Variants in SEMA6D observed in about 807,000 individuals in gnomAD.
SEMA6D encodes the protein semaphorin-6D.
A neutral mutation model predicts 106.6 loss-of-function variants in SEMA6D; 35 were observed. The observed-to-expected ratio is 0.33, with a 90% CI of 0.25 to 0.44. The LOEUF is 0.44. Among genes scored for constraint, SEMA6D ranks in the 20% least tolerant of loss-of-function variants. The pLI, the probability that SEMA6D is intolerant of heterozygous loss-of-function variation, is 1.00. For synonymous variants in SEMA6D, 499 were observed against 487.7 expected, an observed-to-expected ratio of 1.02 and a Z score of -0.31; for missense variants, 1,185 against 1,345.9, an observed-to-expected ratio of 0.88 and a Z score of 1.87.
Position 47,770,974 on chromosome 15 carries a change from A to G in SEMA6D, c.2411A>G (p.Glu804Gly). The G allele has an allele frequency of 6.2e-7, 1 of 1,614,096 alleles. No homozygotes were observed. Among genetic ancestry groups the G allele is most frequent in the Non-Finnish European group, 8.5e-7 (1 of 1,179,990 alleles). Residue 804 changes from glutamate to glycine, a missense_variant, in exon 19 of 19, where the codon GAA (glutamate) becomes GGA (glycine). Physicochemically the swap from Glu to Gly is moderately conservative, Grantham distance 98. This residue lies in a region of SEMA6D where 750 missense variants were observed against 783.5 expected (regional missense o/e 0.96). Transcript: ENST00000536845. ...CATGGCCATGGAGCTTCAAGGAAAGAAACCCCTCAGTTTTTTCCGTCTAGT... is the reference window on the plus strand; with the variant it reads ...CATGGCCATGGAGCTTCAAGGAAAGGAACCCCTCAGTTTTTTCCGTCTAGT... ...KAHGHGASRK[E>G]TPQFFPSSPP...
At chr15:47,359,215 A>G (rs934940227) in intron 1 of SEMA6D, among the ~76,000 whole-genome samples, 12 of 152,204 alleles carry the variant, frequency 7.9e-5, no homozygotes, top group Non-Finnish European at 1.6e-4. Flanking sequence ...GTATATGTAC[A>G]TGTGTACATA....
chr15:47,562,234 A>C (rs1232744913), intron 3 of SEMA6D, among the ~76,000 whole-genome samples: 1 of 152,010 alleles, frequency 6.6e-6, no homozygotes, highest in Non-Finnish European at 1.5e-5. Context: ...GATCAATTAG[A>C]TATCCACTTG....
At chr15:47,552,899 T>C (rs1489271500) in intron 3 of SEMA6D, among the ~76,000 whole-genome samples, 3 of 107,008 alleles carry the variant, frequency 2.8e-5, no homozygotes, top group African/African-American at 1.1e-4. Context: ...TAAATATATA[T>C]ATATATAAAT....
At chr15:47,633,919 T>C (rs1032949853) in intron 4 of SEMA6D, among the ~76,000 whole-genome samples, 1 of 152,186 alleles carries the variant, frequency 6.6e-6, no homozygotes, top group Non-Finnish European at 1.5e-5. Flanking sequence ...ACTGAGCCAA[T>C]CCAGGAAGTT....
intron 4 of SEMA6D, among the ~76,000 whole-genome samples, chr15:47,612,473 G>A (rs1403201743): frequency 6.6e-6 from 1 of 152,208 alleles, no homozygotes; most frequent in Non-Finnish European, 1.5e-5. Flanking sequence ...TGAGGTGTAA[G>A]AAGCTCTTAT....
chr15:47,406,735 C>T (rs1433065979), intron 1 of SEMA6D, among the ~76,000 whole-genome samples: 1 of 150,188 alleles, frequency 6.7e-6, no homozygotes, highest in African/African-American at 2.5e-5. Context: ...GTGTTGTATA[C>T]CCGAAGTTTC....
At chr15:47,594,024 G>A (rs867620519) in intron 3 of SEMA6D, among the ~76,000 whole-genome samples, 2 of 152,144 alleles carry the variant, frequency 1.3e-5, no homozygotes, top group Non-Finnish European at 2.9e-5. Context: ...GATCCAAACC[G>A]TATCAAATGT....
At chr15:47,267,874 T>A (rs754828834) in intron 1 of SEMA6D, among the ~76,000 whole-genome samples, 1 of 152,054 alleles carries the variant, frequency 6.6e-6, no homozygotes, top group Non-Finnish European at 1.5e-5. Context: ...TTACGTTACT[T>A]ATCTTTTTTT....
chr15:47,186,306 T>C (rs1276761694), intron 1 of SEMA6D, among the ~76,000 whole-genome samples: 1 of 152,062 alleles, frequency 6.6e-6, no homozygotes, highest in Non-Finnish European at 1.5e-5. Flanking sequence ...GGAAAAACCA[T>C]GTAGTGGGAG....
chr15:47,388,801 A>G (rs1178155970), intron 1 of SEMA6D, among the ~76,000 whole-genome samples: 1 of 105,410 alleles, frequency 9.5e-6, no homozygotes, highest in Non-Finnish European at 1.7e-5. Context: ...GAATGAAGAT[A>G]AACATGATGG....
At chr15:47,317,610 A>G (rs560891013) in intron 1 of SEMA6D, among the ~76,000 whole-genome samples, 16 of 152,236 alleles carry the variant, frequency 1.1e-4, no homozygotes, top group Admixed American at 8.5e-4. Flanking sequence ...TTGAAGAATA[A>G]TTTTGCAGGG....
chr15:47,597,122 A>G (rs1287655341), intron 3 of SEMA6D, among the ~76,000 whole-genome samples: 2 of 152,096 alleles, frequency 1.3e-5, no homozygotes, highest in South Asian at 2.1e-4. Flanking sequence ...CAACAGATAT[A>G]TGAAAAAATG....
chr15:47,585,023 G>A (rs2076313652), intron 3 of SEMA6D, among the ~76,000 whole-genome samples: 2 of 152,180 alleles, frequency 1.3e-5, no homozygotes, highest in African/African-American at 2.4e-5. Flanking sequence ...AAGGCAGCAG[G>A]TGTCCATCGT....
chr15:47,287,788 G>C (rs892869482), intron 1 of SEMA6D, among the ~76,000 whole-genome samples: 4 of 152,070 alleles, frequency 2.6e-5, no homozygotes, highest in Non-Finnish European at 5.9e-5. Flanking sequence ...CATTGGTTAG[G>C]CCATTCTTGC....
intron 3 of SEMA6D, among the ~76,000 whole-genome samples, chr15:47,498,860 C>G (rs1318950843): frequency 6.6e-6 from 1 of 152,100 alleles, no homozygotes; most frequent in African/African-American, 2.4e-5. Flanking sequence ...AATTAACAGT[C>G]TCAGGGTAGA....
chr15:47,536,299 A>C (rs776472624), intron 3 of SEMA6D, among the ~76,000 whole-genome samples: 3 of 152,176 alleles, frequency 2.0e-5, no homozygotes, highest in Non-Finnish European at 4.4e-5. Flanking sequence ...TTTGAGGAGT[A>C]TAGAAATAAA....
At chr15:47,474,282 A>G (rs756646877) in intron 3 of SEMA6D, among the ~76,000 whole-genome samples, 20 of 152,242 alleles carry the variant, frequency 1.3e-4, no homozygotes, top group Non-Finnish European at 2.4e-4. Flanking sequence ...AATTGGAGTC[A>G]GAATATCTTA....
At chr15:47,742,293 T>TAA (rs57184893) in intron 1 of SEMA6D, among the ~76,000 whole-genome samples, 1 of 151,514 alleles carries the variant, frequency 6.6e-6, no homozygotes, top group Non-Finnish European at 1.5e-5. Context: ...CTTGTCCCTT[T>TAA]AAAAAAAAAC....
chr15:47,233,772 A>G (rs1282604763), intron 1 of SEMA6D, among the ~76,000 whole-genome samples: 1 of 151,976 alleles, frequency 6.6e-6, no homozygotes, highest in Admixed American at 6.6e-5. Context: ...TTTGTATCCT[A>G]CAACTTTATT....
Sources: allele counts gnomAD v4.1 joint callset (sites outside exome capture counted in the v4.1 genomes callset), GRCh38; gene constraint gnomAD v4.1.1; regional missense constraint gnomAD v4.1.1; transcripts MANE v1.5; gene names NCBI Gene and HGNC (gene_info 2026-07-23, HGNC 2026-07-21).